Variants in IARS2 observed in about 807,000 individuals in gnomAD.
IARS2 encodes the protein isoleucyl-tRNA synthetase 2, mitochondrial, also known as isoleucine--tRNA ligase, mitochondrial.
IARS2 carries 56 observed loss-of-function variants against 126.3 expected under a neutral mutation model. That is an observed-to-expected ratio of 0.44 (90% CI 0.36 to 0.55). IARS2 has a LOEUF of 0.55. Ranked by LOEUF, IARS2 falls within the 20% of genes least tolerant of loss-of-function variation. The pLI is 0.00. For missense variants in IARS2, 1,127 were observed against 1,245.9 expected (o/e 0.90, Z 1.44); for synonymous variants, 407 against 441.1 (o/e 0.92, Z 0.97).
At chr1:220,108,854 CTCTTTTTT>C (rs1656737916) in intron 10 of IARS2, among the ~76,000 whole-genome samples, 1 of 107,882 alleles carries the variant, frequency 9.3e-6, no homozygotes, top group Non-Finnish European at 1.7e-5. Flanking sequence ...TCTGTGAATC[CTCTTTTTT>C]TTTTTTTTTT....
At chr1:220,140,413 A>G in intron 19 of IARS2, 124 bp downstream of exon 19, 1 of 590,544 alleles carries the variant, frequency 1.7e-6, no homozygotes, top group Non-Finnish European at 3.0e-6. Context: ...CGAGACCAGT[A>G]TGGCAAAATA....
intron 13 of IARS2, among the ~76,000 whole-genome samples, chr1:220,126,106 CAA>C (rs372363841): frequency 2.3e-4 from 19 of 81,432 alleles, no homozygotes; most frequent in Admixed American, 1.5e-4. Context: ...AACTCTGTCT[CAA>C]AAAAAAAAAA....
chr1:220,136,360 G>A (rs997977550), intron 15 of IARS2, among the ~76,000 whole-genome samples: 1 of 152,184 alleles, frequency 6.6e-6, no homozygotes, highest in Non-Finnish European at 1.5e-5. Flanking sequence ...TCGAGCTCCT[G>A]GCCTCAAGTG....
chr1:220,139,482 ACT>A (rs1409204552), intron 18 of IARS2, among the ~76,000 whole-genome samples: 1 of 152,106 alleles, frequency 6.6e-6, no homozygotes, highest in Non-Finnish European at 1.5e-5. Flanking sequence ...GGGTGTGGAA[ACT>A]CACACCTATA....
intron 13 of IARS2, among the ~76,000 whole-genome samples, chr1:220,125,832 C>T (rs530418097): frequency 4.6e-5 from 7 of 151,906 alleles, no homozygotes; most frequent in Admixed American, 2.0e-4. Context: ...TTAGGTCGGG[C>T]GCAGTGGTGC....
At chr1:220,122,148 C>T (rs781774295) in intron 12 of IARS2, among the ~76,000 whole-genome samples, 4 of 152,108 alleles carry the variant, frequency 2.6e-5, no homozygotes, top group Non-Finnish European at 5.9e-5. Context: ...ATAGTCATAA[C>T]GTTACTCACT....
intron 14 of IARS2, among the ~76,000 whole-genome samples, chr1:220,133,143 T>C (rs1657304729): frequency 6.6e-6 from 1 of 152,148 alleles, no homozygotes; most frequent in South Asian, 2.1e-4. Flanking sequence ...CCCAAGTAGC[T>C]GGGATTACAG....
intron 8 of IARS2, among the ~76,000 whole-genome samples, chr1:220,105,197 C>T (rs914640523): frequency 6.6e-6 from 1 of 152,210 alleles, no homozygotes; most frequent in Non-Finnish European, 1.5e-5. Context: ...GCCACAGCCT[C>T]CCAAAGTGCT....
rs1657409861 is a variant in IARS2 at position 220,137,830 on chromosome 1, A to G, written c.2050-88A>G. Reference sequence around the variant, plus strand: ...TTGTACTTACATTGTGCTCAAAAATATCTGAATAGGAGCTTTACCTAAAAC... The same window carrying G: ...TTGTACTTACATTGTGCTCAAAAATGTCTGAATAGGAGCTTTACCTAAAAC... On this transcript the variant is annotated intron_variant, in intron 16 of 22. Transcript: ENST00000366922. The G allele has an allele frequency of 2.1e-6, 3 of 1,445,090 alleles. No homozygotes were observed. The East Asian group carries it at 6.8e-5, about 33-fold the overall frequency. The allele number at this position is 1,445,090 out of a possible 1,614,324, so 89.5% of individuals were successfully genotyped here.
intron 12 of IARS2, among the ~76,000 whole-genome samples, chr1:220,121,686 C>A (rs1380436713): frequency 6.6e-6 from 1 of 152,090 alleles, no homozygotes; most frequent in Non-Finnish European, 1.5e-5. Flanking sequence ...CTCAAGTGAT[C>A]CTCCTGCCTT....
In IARS2 at chr1:220,103,577, A is replaced by G. The variant is rs749577151; in HGVS notation, c.1066+15A>G. 9 of 1,464,948 alleles carry G rather than the reference A, an allele frequency of 6.1e-6. No homozygotes were observed. The highest frequency in any genetic ancestry group is 2.3e-5 in the South Asian group (2 of 87,978). The allele number at this position is 1,464,948 out of a possible 1,614,324, so 90.7% of individuals were successfully genotyped here. ...AACACTTTCAGGTGAAGATTTTTAG[A>G]TATCTGACAACATAGTCATCAAAGT... On this transcript the variant is annotated intron_variant, in intron 8 of 22. Transcript: ENST00000366922.
In IARS2 at chr1:220,097,326, T is replaced by C. The variant is rs972814527; in HGVS notation, c.390+1100T>C. On this transcript the variant is annotated intron_variant, in intron 2 of 22. Coordinates refer to ENST00000366922, the MANE Select transcript of IARS2 (RefSeq NM_018060.4). The stretch of plus-strand genomic sequence containing the variant: ...GCACATTTCCCAGTAGTTTCAGGCT[T>C]ACATAATTCCACCTTCTCTTTCCCA... Among the ~76,000 whole-genome samples, 7 of 151,538 alleles carry C rather than the reference T, an allele frequency of 4.6e-5. No individual in the cohort carries two copies. The East Asian group carries it at 1.2e-3, about 25-fold the overall frequency.
chr1:220,096,615 T>C (rs1656449648), intron 2 of IARS2, among the ~76,000 whole-genome samples: 1 of 152,224 alleles, frequency 6.6e-6, no homozygotes, highest in Admixed American at 6.5e-5. Flanking sequence ...ATTGAGAGAA[T>C]ATGTTAATAC....
intron 12 of IARS2, among the ~76,000 whole-genome samples, chr1:220,117,561 T>A (rs1179726998): frequency 1.3e-5 from 2 of 151,970 alleles, no homozygotes; most frequent in Non-Finnish European, 2.9e-5. Context: ...GTGATTGAGG[T>A]GGGTGGGGAT....
At chr1:220,132,973 C>CT (rs1410550487) in intron 14 of IARS2, among the ~76,000 whole-genome samples, 1 of 151,814 alleles carries the variant, frequency 6.6e-6, no homozygotes, top group East Asian at 1.9e-4. Flanking sequence ...AGATTAAACT[C>CT]TTTATTTTCC....
Position 220,119,174 on chromosome 1 carries a change from A to G in IARS2, c.1640+4700A>G, listed in dbSNP as rs556119220. 6.6e-5 allele frequency among the ~76,000 whole-genome samples: 10 copies of G among 152,264 alleles called. No individual in the cohort carries two copies. In the East Asian group the frequency reaches 1.9e-3, roughly 29 times the overall value. The stretch of plus-strand genomic sequence containing the variant: ...CTCATTCCGGTTGATATCGAAGTTC[A>G]GAATGATTGGCTGATGTCATAGTTG... On this transcript the variant is annotated intron_variant, in intron 12 of 22. Transcript: ENST00000366922.
chr1:220,119,379 T>A (rs1012332226), intron 12 of IARS2, among the ~76,000 whole-genome samples: 2 of 152,150 alleles, frequency 1.3e-5, no homozygotes, highest in Admixed American at 1.3e-4. Context: ...CACCCACTTT[T>A]ATCAGCAGTC....
chr1:220,113,889 C>T (rs1039196411), intron 11 of IARS2, among the ~76,000 whole-genome samples: 56 of 152,038 alleles, frequency 3.7e-4, no homozygotes, highest in African/African-American at 1.3e-3. Flanking sequence ...TGGCAGTCTA[C>T]GATAGTAATT....
rs1657522892 is a variant in IARS2 at position 220,143,128 on chromosome 1, A to G, written c.2745A>G (p.Ile915Met). The G allele has an allele frequency of 6.2e-7, 1 of 1,611,692 alleles. No individual in the cohort carries two copies. The highest frequency in any genetic ancestry group is 8.5e-7 in the Non-Finnish European group (1 of 1,178,266). ...TVIEPGLLFE[I>M]IEMLQSEETS... ...TAGAACCTGGACTGCTTTTTGAGAT[A>G]ATAGAGGTATGCAGCAATATGTACC... The change falls in exon 21 of 23, where the codon ATA becomes ATG. Residue 915 changes from isoleucine (I) to methionine (M), a missense_variant. Ile to Met is a conservative substitution (Grantham distance 10, BLOSUM62 1). Coordinates refer to ENST00000366922, the MANE Select transcript of IARS2 (RefSeq NM_018060.4).
Sources: allele counts gnomAD v4.1 joint callset (sites outside exome capture counted in the v4.1 genomes callset), GRCh38; gene constraint gnomAD v4.1.1; transcripts MANE v1.5; gene names NCBI Gene and HGNC (gene_info 2026-07-23, HGNC 2026-07-21).